FGF2: variants seen among roughly 807,000 people sequenced by gnomAD.
FGF2 encodes fibroblast growth factor 2.
Under a neutral mutation model 15.9 loss-of-function variants are expected in FGF2, and 13 were observed. The ratio of observed to expected loss-of-function variants is 0.82; its 90% CI spans 0.53 to 1.30. FGF2 has a LOEUF of 1.30. Ranked by LOEUF, FGF2 falls within the 50% of genes most tolerant of loss-of-function variation. The probability of loss-of-function intolerance (pLI) is 0.00; values close to 1 mark genes in which losing one functional copy is unlikely to be tolerated. For missense variants in FGF2, 163 were observed against 196.9 expected (o/e 0.83, Z 1.03); for synonymous variants, 90 against 78.4 (o/e 1.15, Z -0.78).
intron 1 of FGF2, among the ~76,000 whole-genome samples, chr4:122,861,407 T>C (rs1726463615): frequency 6.6e-6 from 1 of 152,178 alleles, no homozygotes; most frequent in South Asian, 2.1e-4. Context: ...CTCCTGCTGC[T>C]CCAACCACCT....
chr4:122,860,195 A>G (rs1031060008), intron 1 of FGF2, among the ~76,000 whole-genome samples: 1 of 152,098 alleles, frequency 6.6e-6, no homozygotes, highest in Non-Finnish European at 1.5e-5. Context: ...AGTCCTAGAT[A>G]CTATTTGTTA....
rs910161661 is a variant in FGF2 at position 122,827,470 on chromosome 4, G to C, written c.178+118G>C. The C allele has an allele frequency of 2.5e-6, 3 of 1,205,944 alleles. No homozygotes were observed. Among genetic ancestry groups the C allele is most frequent in the African/African-American group, 1.5e-5 (1 of 66,362 alleles). The allele number at this position is 1,205,944 out of a possible 1,614,324, so 74.7% of individuals were successfully genotyped here. On this transcript the variant is annotated intron_variant, in intron 1 of 2. Coordinates refer to ENST00000644866, the MANE Select transcript of FGF2 (RefSeq NM_001361665.2). The surrounding 1 kb of genome is among the most constrained non-coding windows in gnomAD (Gnocchi z 4.2). Reference sequence around the variant, plus strand: ...CACTGCGACCCTAGCGCTCCGTGTGGTTTCTGGCCGCGCGGCCCTCGGCGG... The same window carrying C: ...CACTGCGACCCTAGCGCTCCGTGTGCTTTCTGGCCGCGCGGCCCTCGGCGG...
chr4:122,887,263 T>C (rs950063694), intron 2 of FGF2, among the ~76,000 whole-genome samples: 1 of 152,050 alleles, frequency 6.6e-6, no homozygotes, highest in Non-Finnish European at 1.5e-5. Flanking sequence ...GCAGTGAGCC[T>C]AGATCGTGCC....
At chr4:122,868,321 C>T (rs1267533370) in intron 1 of FGF2, among the ~76,000 whole-genome samples, 2 of 152,088 alleles carry the variant, frequency 1.3e-5, no homozygotes, top group Non-Finnish European at 2.9e-5. Flanking sequence ...CACTCTGTGT[C>T]CATGTGTTCT....
At chr4:122,859,650 A>G (rs945973701) in intron 1 of FGF2, among the ~76,000 whole-genome samples, 9 of 30,786 alleles carry the variant, frequency 2.9e-4, no homozygotes, top group African/African-American at 8.3e-4. Context: ...GTACATATGT[A>G]TATACACACA....
chr4:122,837,869 T>G (rs1444749515), intron 1 of FGF2, among the ~76,000 whole-genome samples: 1 of 152,192 alleles, frequency 6.6e-6, no homozygotes, highest in African/African-American at 2.4e-5. Context: ...CTTATTAACA[T>G]TATTTCCTTA....
At chr4:122,828,155 T>C (rs1725687660) in intron 1 of FGF2, among the ~76,000 whole-genome samples, 1 of 152,226 alleles carries the variant, frequency 6.6e-6, no homozygotes, top group Non-Finnish European at 1.5e-5. Context: ...ACAATGTTTG[T>C]GGTTCTAGAA....
intron 2 of FGF2, chr4:122,884,490 A>G (rs993088449): frequency 2.0e-5 from 3 of 152,212 alleles, no homozygotes; most frequent in Admixed American, 1.3e-4. Context: ...GTGAGATTCC[A>G]TCTCAAAAAA....
At chr4:122,885,925 T>G (rs1727048363) in intron 2 of FGF2, among the ~76,000 whole-genome samples, 1 of 143,536 alleles carries the variant, frequency 7.0e-6, no homozygotes, top group South Asian at 2.2e-4. Context: ...TTTTTTTTTT[T>G]TTTTTTTTTT....
In FGF2 at chr4:122,894,372, C is replaced by A. The variant is rs536736816; in HGVS notation, c.*1976C>A. 1 of 152,562 alleles carries A rather than the reference C, an allele frequency of 6.6e-6. No homozygotes were observed. The highest frequency in any genetic ancestry group is 2.1e-4 in the South Asian group (1 of 4,834). 9.5% of individuals were successfully genotyped at this position (152,562 alleles called of 1,614,324 possible). On this transcript the variant is annotated 3_prime_UTR_variant, in exon 3 of 3. Transcript: ENST00000644866. ...TTGGGAGGCCAAAGCAGGAGGATCGCTTGAGCCCAGGAGTTCAAGACCAAC... is the reference window on the plus strand; with the variant it reads ...TTGGGAGGCCAAAGCAGGAGGATCGATTGAGCCCAGGAGTTCAAGACCAAC...
intron 1 of FGF2, among the ~76,000 whole-genome samples, chr4:122,838,999 T>C (rs1427881746): frequency 6.6e-6 from 1 of 152,228 alleles, no homozygotes; most frequent in Non-Finnish European, 1.5e-5. Context: ...AGCACCATGT[T>C]ACAGTTACCT....
At position 122,831,913 on chromosome 4, in the gene FGF2, AC is replaced by A. The variant is rs1259643929; in HGVS notation, c.178+4562del. Among the ~76,000 whole-genome samples the A allele has an allele frequency of 2.0e-5, 3 of 152,254 alleles. No individual in the cohort carries two copies. The East Asian group carries it at 5.8e-4, about 29-fold the overall frequency. ...AAATAAAATGTTACAGATGTAATGA[AC>A]AAAACAAGAACGGTTCTTTAAATAT... is the stretch of plus-strand genomic sequence containing the variant. On this transcript the variant is annotated intron_variant, in intron 1 of 2. Transcript: ENST00000644866.
At chr4:122,854,273 CTT>C (rs1242618534) in intron 1 of FGF2, among the ~76,000 whole-genome samples, 1 of 152,246 alleles carries the variant, frequency 6.6e-6, no homozygotes, top group African/African-American at 2.4e-5. Flanking sequence ...CACTGATACT[CTT>C]TTGATGGCTG....
rs575068707 is a variant in FGF2, at chr4:122,889,589, A to G, written c.283-2622A>G. 1.1e-4 allele frequency among the ~76,000 whole-genome samples: 16 copies of G among 152,150 alleles called. No individual in the cohort carries two copies. The East Asian group carries it at 1.9e-3, about 18-fold the overall frequency. ...CCACTAAATTTTGGCCCTACTACTCATTTTTTTAAAAAAATGCAGTTTGTT... is the reference window on the plus strand; with the variant it reads ...CCACTAAATTTTGGCCCTACTACTCGTTTTTTTAAAAAAATGCAGTTTGTT... On this transcript the variant is annotated intron_variant, in intron 2 of 2. Transcript: ENST00000644866.
At chr4:122,843,042 C>T (rs1726026401) in intron 1 of FGF2, among the ~76,000 whole-genome samples, 1 of 152,070 alleles carries the variant, frequency 6.6e-6, no homozygotes. Context: ...AGTCAAGGCC[C>T]TTGTCCCTTA....
At position 122,898,175 on chromosome 4, in the gene FGF2, T is replaced by A. The variant is rs553110156; in HGVS notation, c.*5779T>A. ...ATGTGTTAATGATTTTATGTAAAAA[T>A]GTAATTGCTTTTCATGAGTAGTATG... On this transcript the variant is annotated 3_prime_UTR_variant, in exon 3 of 3. Coordinates refer to ENST00000644866, the MANE Select transcript of FGF2 (RefSeq NM_001361665.2). The A allele has an allele frequency of 6.5e-6, 1 of 152,770 alleles. No individual in the cohort carries two copies. The highest frequency in any genetic ancestry group is 2.1e-4 in the South Asian group (1 of 4,830). The allele number at this position is 152,770 out of a possible 1,614,324, so 9.5% of individuals were successfully genotyped here. A position where few individuals can be genotyped will look rare whatever the true frequency, so the allele number is the denominator to read the frequency against.
chr4:122,886,512 G>A (rs1450381364), intron 2 of FGF2, among the ~76,000 whole-genome samples: 4 of 152,030 alleles, frequency 2.6e-5, no homozygotes, highest in Admixed American at 6.6e-5. Flanking sequence ...TACATAAATC[G>A]TCATTCTTTT....
intron 1 of FGF2, among the ~76,000 whole-genome samples, chr4:122,828,710 T>G (rs1725700358): frequency 6.6e-6 from 1 of 152,256 alleles, no homozygotes; most frequent in African/African-American, 2.4e-5. Flanking sequence ...GAGGCAAGTA[T>G]TTAATTTTTT....
At chr4:122,859,306 C>CTGAATGAA (rs143999249) in intron 1 of FGF2, among the ~76,000 whole-genome samples, 4 of 152,046 alleles carry the variant, frequency 2.6e-5, no homozygotes, top group African/African-American at 9.7e-5. Flanking sequence ...ATATCAATTA[C>CTGAATGAA]TGAATGAATG....
Sources: gnomAD v4.1 joint callset for allele counts (sites outside exome capture counted in the v4.1 genomes callset) on GRCh38, gnomAD v4.1.1 for gene constraint, Gnocchi (gnomAD v3.1) non-coding constraint, MANE v1.5 for transcripts, NCBI Gene and HGNC (gene_info 2026-07-23, HGNC 2026-07-21) for gene names.